The following WHRN variants were observed in gnomAD, a reference collection of about 807,000 sequenced individuals.
The protein encoded by WHRN is whirlin, also known as CASK-interacting protein CIP98.
In WHRN, 41 loss-of-function variants were observed where a neutral mutation model predicts 68.3. That is an observed-to-expected ratio of 0.60 (90% CI 0.47 to 0.78). The LOEUF (loss-of-function observed/expected upper bound fraction) is 0.78. Among genes scored for constraint, WHRN ranks in the 30% least tolerant of loss-of-function variants. WHRN has a pLI of 0.00. For synonymous variants in WHRN, 560 were observed against 561.3 expected (o/e 1.00, Z 0.03); for missense variants, 1,243 against 1,244.7 (o/e 1.00, Z 0.02).
chr9:114,465,007 G>A (rs1265372627), intron 3 of WHRN, among the ~76,000 whole-genome samples: 1 of 152,146 alleles, frequency 6.6e-6, no homozygotes, highest in Non-Finnish European at 1.5e-5. Flanking sequence ...GTTTGGTGAG[G>A]GCTTACGTAG....
At chr9:114,492,996 G>A (rs946946254) in intron 1 of WHRN, among the ~76,000 whole-genome samples, 1 of 151,610 alleles carries the variant, frequency 6.6e-6, no homozygotes, top group African/African-American at 2.4e-5. Flanking sequence ...CAGCCCGGGT[G>A]ACTGAGCAAG....
intron 1 of WHRN, among the ~76,000 whole-genome samples, chr9:114,498,532 T>C (rs1465457354): frequency 6.6e-6 from 1 of 152,106 alleles, no homozygotes; most frequent in Non-Finnish European, 1.5e-5. Flanking sequence ...GCTCAGAGAA[T>C]GTATGGATGC....
At position 114,504,638 on chromosome 9, in the gene WHRN, C is replaced by A. The variant is rs775066754; in HGVS notation, c.164G>T (p.Arg55Leu). 2 of 1,607,584 alleles carry A rather than the reference C, an allele frequency of 1.2e-6. No homozygotes were observed. Among genetic ancestry groups the A allele is most frequent in the Non-Finnish European group, 8.5e-7 (1 of 1,177,892 alleles). Residue 55 changes from arginine to leucine, a missense_variant, in exon 1 of 12, where the codon CGG becomes CTG. Transcript: ENST00000362057. Reference protein sequence around the residue: ...ALTALLSEAEREQFTHCLNAY... With the variant: ...ALTALLSEAELEQFTHCLNAY... ...GTTCAGGCAGTGGGTGAACTGCTCC[C>A]GCTCCGCCTCGCTCAGCAGCGCGGT...
intron 1 of WHRN, among the ~76,000 whole-genome samples, chr9:114,502,354 T>C (rs749229414): frequency 4.6e-5 from 7 of 151,960 alleles, no homozygotes; most frequent in Non-Finnish European, 1.0e-4. Context: ...CCAGCAAGGG[T>C]TTATTCTCAG....
Position 114,406,672 on chromosome 9 carries a change from GA to G in WHRN, c.1918del (p.Ser640ProfsTer50), listed in dbSNP as rs1293083575. ...GGAAGAGGGCAAGTCCTGTGCAGAG[GA>G]GGTCCCTGGGGTGGGTGCGGTGCCC... ...PAGTAPTPGTSSAQDLPSSPI... is the reference protein window; with the variant it reads ...PAGTAPTPGTXSAQDLPSSPI... On this transcript the variant is annotated frameshift_variant, in exon 9 of 12. Coordinates refer to ENST00000362057, the MANE Select transcript of WHRN (RefSeq NM_015404.4). LOFTEE classifies it high-confidence loss of function. The G allele has an allele frequency of 1.9e-6, 3 of 1,613,864 alleles. No individual in the cohort carries two copies. The highest frequency in any genetic ancestry group is 1.7e-6 in the Non-Finnish European group (2 of 1,180,038).
chr9:114,494,621 G>A (rs563102145), intron 1 of WHRN, among the ~76,000 whole-genome samples: 1 of 152,288 alleles, frequency 6.6e-6, no homozygotes, highest in Non-Finnish European at 1.5e-5. Context: ...GGGCAAAGAC[G>A]CAACCCCTCA....
chr9:114,471,479 T>C (rs547262945), intron 2 of WHRN, among the ~76,000 whole-genome samples: 15 of 152,300 alleles, frequency 9.8e-5, no homozygotes, highest in Middle Eastern at 6.8e-3. Flanking sequence ...CTCACCGGCC[T>C]GAGTTCAAGT....
At chr9:114,449,371 A>T (rs1839110201) in intron 3 of WHRN, among the ~76,000 whole-genome samples, 3 of 152,146 alleles carry the variant, frequency 2.0e-5, no homozygotes, top group Admixed American at 6.5e-5. Context: ...GTTCACAGGG[A>T]CCCTGAGCAC....
At chr9:114,426,144 G>A in intron 4 of WHRN, 67 bp downstream of exon 4, 1 of 1,601,778 alleles carries the variant, frequency 6.2e-7, no homozygotes, top group Non-Finnish European at 8.5e-7. Flanking sequence ...GGGATGGGAG[G>A]CAGCTATCAC....
intron 3 of WHRN, among the ~76,000 whole-genome samples, chr9:114,435,328 C>A (rs751731774): frequency 2.0e-4 from 31 of 152,182 alleles, no homozygotes; most frequent in Non-Finnish European, 4.3e-4. Flanking sequence ...ACAAGCTAGT[C>A]CCCTCCCCAT....
At chr9:114,483,584 C>T (rs908517088) in intron 1 of WHRN, among the ~76,000 whole-genome samples, 29 of 152,180 alleles carry the variant, frequency 1.9e-4, no homozygotes, top group Admixed American at 6.5e-5. Flanking sequence ...CCCATGGTTA[C>T]GTGCACCAGA....
intron 1 of WHRN, among the ~76,000 whole-genome samples, chr9:114,497,223 T>G (rs1028413953): frequency 3.3e-5 from 5 of 152,130 alleles, no homozygotes; most frequent in African/African-American, 1.2e-4. Context: ...TTGCTTTGCA[T>G]ACAGAGTTGA....
At chr9:114,412,087 C>T (rs190501116) in intron 7 of WHRN, among the ~76,000 whole-genome samples, 55 of 152,252 alleles carry the variant, frequency 3.6e-4, no homozygotes, top group African/African-American at 9.9e-4. Flanking sequence ...CCAGCCCTGT[C>T]AGGGAGGCCT....
At chr9:114,417,425 C>G (rs112289249) in intron 7 of WHRN, among the ~76,000 whole-genome samples, 1 of 152,204 alleles carries the variant, frequency 6.6e-6, no homozygotes, top group African/African-American at 2.4e-5. Context: ...GTTTAGAAGG[C>G]CGCATAGTAG....
chr9:114,488,275 C>A (rs1842699978), intron 1 of WHRN, among the ~76,000 whole-genome samples: 1 of 152,202 alleles, frequency 6.6e-6, no homozygotes, highest in African/African-American at 2.4e-5. Flanking sequence ...GCATCTTGCA[C>A]TGGGCAGGGC....
chr9:114,408,928 C>T (rs926825183), intron 7 of WHRN, among the ~76,000 whole-genome samples: 2 of 152,170 alleles, frequency 1.3e-5, no homozygotes, highest in African/African-American at 4.8e-5. Flanking sequence ...CAAATTTGCG[C>T]GCTCTTCTAG....
intron 7 of WHRN, among the ~76,000 whole-genome samples, chr9:114,418,556 T>C (rs1223638126): frequency 6.6e-6 from 1 of 152,230 alleles, no homozygotes; most frequent in Non-Finnish European, 1.5e-5. Flanking sequence ...AGTTCCCTGC[T>C]CTTACCTGCC....
chr9:114,403,791 CT>C, intron 10 of WHRN, 104 bp downstream of exon 10: 1 of 1,421,896 alleles, frequency 7.0e-7, no homozygotes. Flanking sequence ...CACTACCTCC[CT>C]TTGTGGTCAC....
Position 114,402,456 on chromosome 9 carries a change from C to G in WHRN, c.*298G>C, listed in dbSNP as rs1834751409. ...GGGGACAGCAGTGCCCCCAACCCAA[C>G]CTGGAGAAACCAGCACTCTGCCCTT... is the stretch of plus-strand genomic sequence containing the variant. On this transcript the variant is annotated 3_prime_UTR_variant, in exon 12 of 12. Coordinates refer to ENST00000362057, the MANE Select transcript of WHRN (RefSeq NM_015404.4). 1 of 450,380 alleles carries G rather than the reference C, an allele frequency of 2.2e-6. No homozygotes were observed. The highest frequency in any genetic ancestry group is 2.2e-5 in the South Asian group (1 of 45,870). 27.9% of individuals were successfully genotyped at this position (450,380 alleles called of 1,614,324 possible). A position where few individuals can be genotyped will look rare whatever the true frequency, so the allele number is the denominator to read the frequency against.
Sources: gnomAD v4.1 joint callset for allele counts (sites outside exome capture counted in the v4.1 genomes callset) on GRCh38, gnomAD v4.1.1 for gene constraint, MANE v1.5 for transcripts, NCBI Gene and HGNC (gene_info 2026-07-23, HGNC 2026-07-21) for gene names.